SH2B3: variants seen among roughly 807,000 people sequenced by gnomAD.
The protein encoded by SH2B3 is SH2B adapter protein 3.
In SH2B3, 43 loss-of-function variants were observed where a neutral mutation model predicts 51.9. That is an observed-to-expected ratio of 0.83 (90% CI 0.65 to 1.07). The LOEUF is 1.07. Among genes scored for constraint, SH2B3 ranks in the 50% least tolerant of loss-of-function variants. The probability of loss-of-function intolerance (pLI) is 0.00; values close to 1 mark genes in which losing one functional copy is unlikely to be tolerated. For synonymous variants in SH2B3, 396 were observed against 376.0 expected (o/e 1.05, Z -0.62); for missense variants, 952 against 834.3 (o/e 1.14, Z -1.74).
chr12:111,439,356 T>C (rs911957936), intron 2 of SH2B3, among the ~76,000 whole-genome samples: 1 of 151,956 alleles, frequency 6.6e-6, no homozygotes, highest in African/African-American at 2.4e-5. Context: ...TCCATGTTGG[T>C]CAGGCTGGTC....
intron 2 of SH2B3, among the ~76,000 whole-genome samples, chr12:111,441,528 T>C (rs1428581063): frequency 6.6e-6 from 1 of 152,086 alleles, no homozygotes; most frequent in East Asian, 1.9e-4. Flanking sequence ...GGCAGGATAC[T>C]GGATGGCTTT....
intron 1 of SH2B3, among the ~76,000 whole-genome samples, chr12:111,413,017 C>T (rs1341066248): frequency 1.3e-5 from 2 of 152,222 alleles, no homozygotes; most frequent in Non-Finnish European, 2.9e-5. Flanking sequence ...CTCACTCATT[C>T]ATCCAATAAG....
At chr12:111,405,793 C>A (rs992801607), upstream of SH2B3, among the ~76,000 whole-genome samples, 3 of 152,080 alleles carry the variant, frequency 2.0e-5, no homozygotes, top group South Asian at 4.1e-4. The surrounding 1 kb of genome is among the most constrained non-coding windows in gnomAD (Gnocchi z 5.4). Context: ...CCCTCATGGC[C>A]CGCCCCTCCA....
At chr12:111,444,223 T>G (rs537916968) in intron 2 of SH2B3, 1 of 152,194 alleles carries the variant, frequency 6.6e-6, no homozygotes, top group African/African-American at 2.4e-5. Flanking sequence ...CAAAAAACCC[T>G]AGAGGATAAA....
intron 2 of SH2B3, among the ~76,000 whole-genome samples, chr12:111,437,610 C>T (rs1035778053): frequency 1.3e-5 from 2 of 152,110 alleles, no homozygotes; most frequent in Non-Finnish European, 2.9e-5. Context: ...TTGCTCAGGG[C>T]CCTGCATTTG....
intron 2 of SH2B3, among the ~76,000 whole-genome samples, chr12:111,443,014 C>G (rs1160237068): frequency 1.3e-5 from 2 of 152,368 alleles, no homozygotes; most frequent in East Asian, 1.9e-4. Context: ...AAGGACCATC[C>G]TGGCCCTATA....
chr12:111,449,510 A>C lies in SH2B3; in HGVS notation c.*1208A>C, dbSNP rs147975549. On this transcript the variant is annotated 3_prime_UTR_variant, in exon 8 of 8. Transcript: ENST00000341259. ...TGAGAATCTATCTATCTCCTTGCAC[A>C]CATGGGCACACACAATCTCCACCAT... The C allele has an allele frequency of 3.0e-4, 45 of 152,396 alleles. No individual in the cohort carries two copies. The highest frequency in any genetic ancestry group is 1.0e-3 in the African/African-American group (43 of 41,552). 9.4% of individuals were successfully genotyped at this position (152,396 alleles called of 1,614,324 possible).
At chr12:111,412,681 C>T (rs2135537365) in intron 1 of SH2B3, among the ~76,000 whole-genome samples, 1 of 152,228 alleles carries the variant, frequency 6.6e-6, no homozygotes, top group South Asian at 2.1e-4. Context: ...GCAGTCTTCC[C>T]GCCTCAGCCT....
rs1874530757 is a variant in SH2B3 at position 111,450,981 on chromosome 12, A to G, written c.*2679A>G. The stretch of plus-strand genomic sequence containing the variant: ...CTCAACACCAAACTGGACAGTAGAC[A>G]TCATGATCCCTCCAGTTAGCTCTAA... On this transcript the variant is annotated 3_prime_UTR_variant, in exon 8 of 8. Transcript: ENST00000341259. 1 of 152,728 alleles carries G rather than the reference A, an allele frequency of 6.5e-6. No homozygotes were observed. The highest frequency in any genetic ancestry group is 6.5e-5 in the Admixed American group (1 of 15,278). The allele number at this position is 152,728 out of a possible 1,614,324, so 9.5% of individuals were successfully genotyped here.
Position 111,418,415 on chromosome 12 carries a change from G to T in SH2B3, c.270G>T (p.Arg90=). 6.8e-7 allele frequency: 1 copy of T among 1,480,742 alleles called. No homozygotes were observed. The highest frequency in any genetic ancestry group is 8.9e-7 in the Non-Finnish European group (1 of 1,121,376). The allele number at this position is 1,480,742 out of a possible 1,614,324, so 91.7% of individuals were successfully genotyped here. ...RDGRAPGRDY[R]DTGRGPPAKA... ...GACGGGCGCCGGGCCGCGACTACCGGGACACAGGCCGTGGGCCCCCAGCCA... is the reference window on the plus strand; with the variant it reads ...GACGGGCGCCGGGCCGCGACTACCGTGACACAGGCCGTGGGCCCCCAGCCA... Residue 90 remains arginine, a synonymous_variant, in exon 2 of 8, where the codon CGG becomes CGT. Coordinates refer to ENST00000341259, the MANE Select transcript of SH2B3 (RefSeq NM_005475.3). This position sits in a 1 kb window ranked among gnomAD's most constrained non-coding sequence, Gnocchi z 6.7.
At chr12:111,417,026 G>T (rs761073618) in intron 1 of SH2B3, among the ~76,000 whole-genome samples, 11 of 152,124 alleles carry the variant, frequency 7.2e-5, no homozygotes, top group Non-Finnish European at 1.6e-4. Flanking sequence ...TTTTATGTAT[G>T]TTCATGTAAA....
intron 2 of SH2B3, among the ~76,000 whole-genome samples, chr12:111,446,403 C>T (rs540898124): frequency 1.1e-4 from 16 of 152,194 alleles, no homozygotes; most frequent in Admixed American, 1.0e-3. Flanking sequence ...GTGATGAGAC[C>T]GTCAGCAGCT....
At chr12:111,443,824 C>T (rs1873664029) in intron 2 of SH2B3, 1 of 152,232 alleles carries the variant, frequency 6.6e-6, no homozygotes. Flanking sequence ...CAGATGACAA[C>T]TAAGGCATGG....
chr12:111,412,302 A>G (rs1434743714), intron 1 of SH2B3, among the ~76,000 whole-genome samples: 1 of 152,192 alleles, frequency 6.6e-6, no homozygotes, highest in African/African-American at 2.4e-5. Context: ...CCTCCCTGGT[A>G]CAGTCCCTTC....
At chr12:111,408,177 C>T (rs994226880) in intron 1 of SH2B3, among the ~76,000 whole-genome samples, 3 of 152,164 alleles carry the variant, frequency 2.0e-5, no homozygotes, top group African/African-American at 7.2e-5. Flanking sequence ...AAGATCTGGG[C>T]ACTTCCTTAG....
chr12:111,415,723 G>C (rs1871034498), intron 1 of SH2B3, among the ~76,000 whole-genome samples: 1 of 150,208 alleles, frequency 6.7e-6, no homozygotes, highest in South Asian at 2.1e-4. Context: ...CCAGGTTCAA[G>C]TGATTCTCCT....
At position 111,448,177 on chromosome 12, in the gene SH2B3, C is replaced by G. The variant is rs1032561066; in HGVS notation, c.1603C>G (p.Leu535Val). The G allele has an allele frequency of 5.8e-5, 93 of 1,614,070 alleles. No homozygotes were observed. Among genetic ancestry groups the G allele is most frequent in the Non-Finnish European group, 7.7e-5 (91 of 1,180,032 alleles). Residue 535 changes from leucine (L) to valine (V), a missense_variant, in exon 8 of 8, where the codon CTG becomes GTG. Transcript: ENST00000341259. ...CCACCTGGTGCCTTCGCCCGAAGAA[C>G]TGGCCAACAGCCTGCAGCACCTGGA... ...IFHLVPSPEE[L>V]ANSLQHLEHE...
In SH2B3 at chr12:111,435,333, C is replaced by T. The variant is rs960858249; in HGVS notation, c.733-11420C>T. Reference sequence around the variant, plus strand: ...CCCATGATACCCTCGGTGATCGTCACAGATGCGGGGCCTGGCTACAGTCCT... The same window carrying T: ...CCCATGATACCCTCGGTGATCGTCATAGATGCGGGGCCTGGCTACAGTCCT... On this transcript the variant is annotated intron_variant, in intron 2 of 7. Coordinates refer to ENST00000341259, the MANE Select transcript of SH2B3 (RefSeq NM_005475.3). This position sits in a 1 kb window ranked among gnomAD's most constrained non-coding sequence, Gnocchi z 4.8. Among the ~76,000 whole-genome samples the T allele has an allele frequency of 6.6e-6, 1 of 152,190 alleles. No homozygotes were observed. The highest frequency in any genetic ancestry group is 1.5e-5 in the Non-Finnish European group (1 of 68,026).
chr12:111,447,615 C>A (rs763007376), intron 6 of SH2B3, 41 bp from the exon 7 acceptor site: 15 of 1,610,292 alleles, frequency 9.3e-6, no homozygotes, highest in Non-Finnish European at 1.3e-5. Flanking sequence ...GTTCAGGGTC[C>A]TAGAGGGACA....
Sources: gnomAD v4.1 joint callset for allele counts (sites outside exome capture counted in the v4.1 genomes callset) on GRCh38, gnomAD v4.1.1 for gene constraint, Gnocchi (gnomAD v3.1) non-coding constraint, MANE v1.5 for transcripts, NCBI Gene and HGNC (gene_info 2026-07-23, HGNC 2026-07-21) for gene names.